PTPDC1: variants seen among roughly 807,000 people sequenced by gnomAD.
The protein encoded by PTPDC1 is protein tyrosine phosphatase domain-containing protein 1.
In PTPDC1, 53 loss-of-function variants were observed where a neutral mutation model predicts 75.3. The observed-to-expected ratio is 0.70, with a 90% CI of 0.56 to 0.88. The LOEUF is 0.88. Ranked by LOEUF, PTPDC1 falls within the 40% of genes least tolerant of loss-of-function variation. The probability of loss-of-function intolerance (pLI) is 0.00; values close to 1 mark genes in which losing one functional copy is unlikely to be tolerated. For synonymous variants in PTPDC1, 349 were observed against 366.2 expected (o/e 0.95, Z 0.54); for missense variants, 925 against 998.6 (o/e 0.93, Z 0.99).
chr9:94,081,628 C>G (rs1020866477), upstream of PTPDC1, among the ~76,000 whole-genome samples: 1 of 152,174 alleles, frequency 6.6e-6, no homozygotes, highest in East Asian at 1.9e-4. Flanking sequence ...AACAGATCAT[C>G]GGAGGCCTTA....
chr9:94,081,366 T>G (rs10993046), upstream of PTPDC1, among the ~76,000 whole-genome samples: 11,505 of 152,196 alleles, frequency 0.076, 587 homozygotes, highest in East Asian at 0.14. Context: ...TATAAAATAT[T>G]CTCAAAAATA....
intron 1 of PTPDC1, among the ~76,000 whole-genome samples, chr9:94,053,743 G>A (rs1387521207): frequency 6.6e-6 from 1 of 152,174 alleles, no homozygotes; most frequent in Non-Finnish European, 1.5e-5. Context: ...TCAGGGAATG[G>A]GAACACAAAT....
At chr9:94,064,739 C>T in exon 2 of PTPDC1, 2 of 1,611,636 alleles carry the variant, frequency 1.2e-6, no homozygotes, top group Non-Finnish European at 1.7e-6. Flanking sequence ...AACAGACTAC[C>T]ATGGCTGCAG....
At chr9:94,077,766 C>A (rs10993044) in intron 2 of PTPDC1, among the ~76,000 whole-genome samples, 4 of 152,060 alleles carry the variant, frequency 2.6e-5, no homozygotes, top group Admixed American at 2.0e-4. Context: ...GCCCTCTCCC[C>A]TCCCCAGAAG....
intron 4 of PTPDC1, among the ~76,000 whole-genome samples, chr9:94,094,684 C>G (rs1417910639): frequency 2.6e-5 from 4 of 152,206 alleles, no homozygotes; most frequent in African/African-American, 9.6e-5. Context: ...GCCTTGCTGC[C>G]GCCTTGCAGT....
Position 94,104,280 on chromosome 9 carries a change from G to A in PTPDC1, c.2205G>A (p.Gln735=). The change falls in exon 8 of 9, where the codon CAG becomes CAA. Residue 735 remains glutamine (Q), a synonymous_variant. Coordinates refer to ENST00000620992, the MANE Select transcript of PTPDC1 (RefSeq NM_001253829.2). ...AEALFLLEKG[Q]HQTILCVLHC... Reference sequence around the variant, plus strand: ...TTTGATTTCTACAAAAACAGGGACAGCACCAGACTATTCTCTGCGTGTTGC... The same window carrying A: ...TTTGATTTCTACAAAAACAGGGACAACACCAGACTATTCTCTGCGTGTTGC... 1 of 1,610,678 alleles carries A rather than the reference G, an allele frequency of 6.2e-7. No individual in the cohort carries two copies. The highest frequency in any genetic ancestry group is 8.5e-7 in the Non-Finnish European group (1 of 1,177,484).
At chr9:94,100,562 C>G (rs1004561205) in intron 6 of PTPDC1, 1 of 152,144 alleles carries the variant, frequency 6.6e-6, no homozygotes, top group Non-Finnish European at 1.5e-5. Flanking sequence ...ATGAACACCC[C>G]CTTTGCCATT....
At chr9:94,034,119 A>T (rs1209876036) in intron 1 of PTPDC1, among the ~76,000 whole-genome samples, 1 of 152,254 alleles carries the variant, frequency 6.6e-6, no homozygotes, top group African/African-American at 2.4e-5. Context: ...ATGTCAGTGA[A>T]TTTAACATGG....
intron 1 of PTPDC1, among the ~76,000 whole-genome samples, chr9:94,057,550 A>C (rs1027476457): frequency 3.3e-5 from 5 of 152,218 alleles, no homozygotes; most frequent in African/African-American, 1.2e-4. Flanking sequence ...TGAATACTTA[A>C]AAGCCAGGTG....
At chr9:94,038,630 T>C (rs1459840022) in intron 1 of PTPDC1, among the ~76,000 whole-genome samples, 4 of 152,216 alleles carry the variant, frequency 2.6e-5, no homozygotes, top group Admixed American at 2.0e-4. Context: ...ACAAAGATGG[T>C]GAGTGCCATC....
intron 1 of PTPDC1, among the ~76,000 whole-genome samples, chr9:94,047,439 G>C (rs1346505446): frequency 2.0e-5 from 3 of 152,092 alleles, no homozygotes; most frequent in African/African-American, 7.2e-5. Context: ...GAAATTTATA[G>C]CACTAAATGC....
chr9:94,055,042 C>G (rs1352761209), intron 1 of PTPDC1, among the ~76,000 whole-genome samples: 1 of 152,004 alleles, frequency 6.6e-6, no homozygotes, highest in African/African-American at 2.4e-5. Context: ...TTTTGTAGAG[C>G]GAATATTATG....
chr9:94,086,379 T>A (rs531813248), intron 2 of PTPDC1, among the ~76,000 whole-genome samples: 1 of 152,360 alleles, frequency 6.6e-6, no homozygotes, highest in African/African-American at 2.4e-5. Context: ...ATCATGTGAG[T>A]CTTTTTCACC....
At chr9:94,089,375 A>C (rs1244474070) in intron 4 of PTPDC1, among the ~76,000 whole-genome samples, 1 of 147,946 alleles carries the variant, frequency 6.8e-6, no homozygotes, top group Non-Finnish European at 1.5e-5. Context: ...GATGATTTCC[A>C]ATTTCATCCA....
intron 2 of PTPDC1, among the ~76,000 whole-genome samples, chr9:94,078,175 C>G (rs1254432971): frequency 6.6e-6 from 1 of 152,144 alleles, no homozygotes; most frequent in Non-Finnish European, 1.5e-5. Context: ...GAAGAACCTC[C>G]TTTATATTTC....
intron 2 of PTPDC1, among the ~76,000 whole-genome samples, chr9:94,085,698 G>A (rs762069922): frequency 4.6e-5 from 7 of 152,190 alleles, no homozygotes; most frequent in Non-Finnish European, 1.0e-4. Flanking sequence ...TGGATAATTA[G>A]ATAGCTCTTA....
At chr9:94,032,971 C>T (rs543971342) in intron 1 of PTPDC1, among the ~76,000 whole-genome samples, 19 of 152,308 alleles carry the variant, frequency 1.2e-4, no homozygotes, top group African/African-American at 4.6e-4. Context: ...AAGCAATCCT[C>T]CCACCTCAGC....
chr9:94,045,853 A>G (rs1825581202), intron 1 of PTPDC1, among the ~76,000 whole-genome samples: 2 of 151,934 alleles, frequency 1.3e-5, no homozygotes, highest in African/African-American at 4.8e-5. Flanking sequence ...GTTTAATTAG[A>G]TCCCATTTTT....
At chr9:94,081,796 T>C (rs574873763), upstream of PTPDC1, among the ~76,000 whole-genome samples, 3 of 152,250 alleles carry the variant, frequency 2.0e-5, no homozygotes, top group East Asian at 5.8e-4. Context: ...AGGGAAATTA[T>C]AGTGAAAGAT....
Sources: allele counts gnomAD v4.1 joint callset (sites outside exome capture counted in the v4.1 genomes callset), GRCh38; gene constraint gnomAD v4.1.1; transcripts MANE v1.5; gene names NCBI Gene and HGNC (gene_info 2026-07-23, HGNC 2026-07-21).